The following ITGA9 variants were observed in gnomAD, a reference collection of about 807,000 sequenced individuals.
The protein encoded by ITGA9 is integrin subunit alpha 9, also known as integrin alpha-9.
In ITGA9, 56 loss-of-function variants were observed where a neutral mutation model predicts 127.8. The ratio of observed to expected loss-of-function variants is 0.44; its 90% CI spans 0.35 to 0.55. The LOEUF (loss-of-function observed/expected upper bound fraction) is 0.55, where lower values mean the gene tolerates loss of function less well. ITGA9 is among the 20% of genes least tolerant of loss of function. ITGA9 has a pLI of 0.00. For missense variants in ITGA9, 1,196 were observed against 1,347.1 expected (o/e 0.89, Z 1.76); for synonymous variants, 508 against 514.5 (o/e 0.99, Z 0.17).
chr3:37,795,311 C>T (rs939259629), intron 26 of ITGA9, among the ~76,000 whole-genome samples: 5 of 152,194 alleles, frequency 3.3e-5, no homozygotes, highest in African/African-American at 1.2e-4. Context: ...ATCATATTCT[C>T]AGGCCTTGTG....
intron 18 of ITGA9, among the ~76,000 whole-genome samples, chr3:37,724,887 T>A (rs747382109): frequency 1.3e-5 from 2 of 152,188 alleles, no homozygotes; most frequent in Non-Finnish European, 2.9e-5. Flanking sequence ...AGTGAATTAA[T>A]GAATGTACAG....
At chr3:37,774,927 T>A (rs1159254332) in intron 23 of ITGA9, among the ~76,000 whole-genome samples, 1 of 152,244 alleles carries the variant, frequency 6.6e-6, no homozygotes, top group Admixed American at 6.5e-5. Flanking sequence ...AAAATAGAGA[T>A]AAATTTAGCA....
intron 26 of ITGA9, chr3:37,790,256 AT>A: frequency 1.8e-6 from 1 of 548,352 alleles, no homozygotes; most frequent in Non-Finnish European, 3.7e-6. Context: ...TCTTTTAGAA[AT>A]GGCAGCAGCT....
chr3:37,573,597 T>A (rs1161048640), intron 15 of ITGA9, among the ~76,000 whole-genome samples: 1 of 152,196 alleles, frequency 6.6e-6, no homozygotes, highest in Non-Finnish European at 1.5e-5. Flanking sequence ...CCTCTCAATG[T>A]GGTCTTTCTG....
intron 16 of ITGA9, among the ~76,000 whole-genome samples, chr3:37,632,825 A>C (rs1371773660): frequency 6.6e-6 from 1 of 152,238 alleles, no homozygotes; most frequent in Non-Finnish European, 1.5e-5. Flanking sequence ...GATGAAATAA[A>C]GGCTTCAATG....
chr3:37,805,116 C>T (rs1376138541), intron 27 of ITGA9, among the ~76,000 whole-genome samples: 4 of 151,850 alleles, frequency 2.6e-5, no homozygotes, highest in Non-Finnish European at 5.9e-5. Context: ...GGCTGGAAGG[C>T]AGTGGCACAA....
intron 15 of ITGA9, among the ~76,000 whole-genome samples, chr3:37,614,141 A>C (rs1438370482): frequency 1.3e-5 from 2 of 152,050 alleles, no homozygotes; most frequent in South Asian, 4.2e-4. Flanking sequence ...TAATTTTTGT[A>C]TAAGGTGTAA....
chr3:37,679,521 C>T (rs937387619), intron 17 of ITGA9, among the ~76,000 whole-genome samples: 2 of 152,162 alleles, frequency 1.3e-5, no homozygotes, highest in Non-Finnish European at 2.9e-5. Context: ...CGGGTGACCT[C>T]AGTTGGGTGG....
chr3:37,503,256 T>G lies in ITGA9; in HGVS notation c.691T>G (p.Tyr231Asp). The part of the protein sequence containing the change: ...IKVLNLTDNT[Y>D]LKLNDEVIMN... ...AGTGCTGAACCTTACGGACAACACC[T>G]ATTTAAAACTGAACGACGAAGTGAT... Residue 231 changes from tyrosine to aspartate, a missense_variant, in exon 6 of 28, where the codon TAT (tyrosine) becomes GAT (aspartate). Transcript: ENST00000264741. 6.2e-7 allele frequency: 1 copy of G among 1,614,146 alleles called. No individual in the cohort carries two copies. The highest frequency in any genetic ancestry group is 8.5e-7 in the Non-Finnish European group (1 of 1,180,012).
At chr3:37,796,193 T>A (rs372747788) in intron 26 of ITGA9, among the ~76,000 whole-genome samples, 1 of 152,068 alleles carries the variant, frequency 6.6e-6, no homozygotes, top group East Asian at 1.9e-4. Context: ...CTTGTTTAGC[T>A]GGTAAACTTC....
At chr3:37,521,671 AC>A (rs1396619603) in intron 11 of ITGA9, among the ~76,000 whole-genome samples, 7 of 152,102 alleles carry the variant, frequency 4.6e-5, no homozygotes, top group Admixed American at 4.6e-4. Context: ...CAGATGGACC[AC>A]CCCTTCGCTC....
At chr3:37,463,701 T>A (rs1479369770) in intron 1 of ITGA9, among the ~76,000 whole-genome samples, 2 of 152,148 alleles carry the variant, frequency 1.3e-5, no homozygotes, top group Non-Finnish European at 2.9e-5. Context: ...AAAGTCACAC[T>A]GAAAAGAGCA....
intron 23 of ITGA9, among the ~76,000 whole-genome samples, chr3:37,759,853 C>T (rs895328533): frequency 2.0e-5 from 3 of 149,970 alleles, no homozygotes; most frequent in Non-Finnish European, 3.0e-5. Flanking sequence ...TGCAGTAAGC[C>T]GAGATGTGCC....
chr3:37,466,236 A>C lies in ITGA9; in HGVS notation c.186-4771A>C, dbSNP rs1226945695. 1.3e-5 allele frequency among the ~76,000 whole-genome samples: 2 copies of C among 151,980 alleles called. 1 individual carries two copies. Among genetic ancestry groups the C allele is most frequent in the Non-Finnish European group, 2.9e-5 (2 of 67,986 alleles). On this transcript the variant is annotated intron_variant, in intron 1 of 27. Transcript: ENST00000264741. The stretch of plus-strand genomic sequence containing the variant: ...AGTGGCTCAGGCTTGTAATCCCAAC[A>C]CTTTGGGAGGCTGAGGCAGGTGGAT...
At position 37,737,265 on chromosome 3, in the gene ITGA9, G is replaced by C. The variant is rs531845244; in HGVS notation, c.2234+282G>C. Among the ~76,000 whole-genome samples the C allele has an allele frequency of 6.6e-5, 10 of 152,350 alleles. No individual in the cohort carries two copies. In the South Asian group the frequency reaches 2.1e-3, roughly 32 times the overall value. ...GCTGAGGAGAGACAGGCCCAGGGGG[G>C]TGAGGCTCTAGTCCAAGGTCAGTTC... is the stretch of plus-strand genomic sequence containing the variant. On this transcript the variant is annotated intron_variant, in intron 20 of 27. Transcript: ENST00000264741.
intron 17 of ITGA9, among the ~76,000 whole-genome samples, chr3:37,671,957 G>T (rs186268861): frequency 6.6e-6 from 1 of 152,150 alleles, no homozygotes; most frequent in East Asian, 1.9e-4. Context: ...ATAAAGCCAC[G>T]TACAGTTATG....
At chr3:37,628,603 C>T (rs148461479) in intron 15 of ITGA9, among the ~76,000 whole-genome samples, 83 of 152,270 alleles carry the variant, frequency 5.5e-4, no homozygotes, top group Admixed American at 8.5e-4. Flanking sequence ...TTGCTCTCCT[C>T]CCTTCCTTTC....
chr3:37,690,239 A>C (rs971992535), intron 18 of ITGA9, among the ~76,000 whole-genome samples: 1 of 152,182 alleles, frequency 6.6e-6, no homozygotes, highest in African/African-American at 2.4e-5. Flanking sequence ...AGGGTAGAAG[A>C]GAGCAAAGGA....
At chr3:37,628,832 A>G (rs1207377823) in intron 15 of ITGA9, among the ~76,000 whole-genome samples, 2 of 152,202 alleles carry the variant, frequency 1.3e-5, no homozygotes, top group African/African-American at 2.4e-5. Context: ...ACTGAATGCA[A>G]AGGGTTAGCA....
Sources: allele counts gnomAD v4.1 joint callset (sites outside exome capture counted in the v4.1 genomes callset), GRCh38; gene constraint gnomAD v4.1.1; transcripts MANE v1.5; gene names NCBI Gene and HGNC (gene_info 2026-07-23, HGNC 2026-07-21).